The following RAPGEF5 variants were observed in gnomAD, a reference collection of about 807,000 sequenced individuals.
RAPGEF5 encodes the protein M-Ras-regulated GEF.
In RAPGEF5, 65 loss-of-function variants were observed where a neutral mutation model predicts 125.2. The observed-to-expected ratio is 0.52, with a 90% confidence interval of 0.43 to 0.64. RAPGEF5 has a LOEUF of 0.64. Among genes scored for constraint, RAPGEF5 ranks in the 30% least tolerant of loss-of-function variants. RAPGEF5 has a pLI of 0.00. For synonymous variants in RAPGEF5, 391 were observed against 385.9 expected, an observed-to-expected ratio of 1.01 and a Z score of -0.16; for missense variants, 958 against 1,048.1, an observed-to-expected ratio of 0.91 and a Z score of 1.19.
chr7:22,145,566 G>A lies in RAPGEF5; in HGVS notation c.2008-344C>T, dbSNP rs190162616. Among the ~76,000 whole-genome samples, 18 of 152,270 alleles carry A rather than the reference G, an allele frequency of 1.2e-4. No individual in the cohort carries two copies. In the East Asian group the frequency reaches 1.9e-3, roughly 16 times the overall value. On this transcript the variant is annotated intron_variant, in intron 19 of 25. Coordinates refer to ENST00000665637, the MANE Select transcript of RAPGEF5 (RefSeq NM_012294.5). ...TTGAAAAATTCAAGTGAAAATGAAC[G>A]CTAGTAGTACTAGTATTTGTTAAGG...
chr7:22,222,549 G>A (rs536525759), intron 8 of RAPGEF5, among the ~76,000 whole-genome samples: 7 of 152,302 alleles, frequency 4.6e-5, no homozygotes, highest in Non-Finnish European at 8.8e-5. Flanking sequence ...GCATGCTCAA[G>A]GATAGGCAGA....
In RAPGEF5 at chr7:22,241,153, C is replaced by T. The variant is rs143700058; in HGVS notation, c.797-10234G>A. On this transcript the variant is annotated intron_variant, in intron 7 of 25. Transcript: ENST00000665637. ...AACTCAACAGGTCAGGTCTAAAGGA[C>T]ATTCTTGTTAACTAAAGTTTATTGC... 1.0e-3 allele frequency among the ~76,000 whole-genome samples: 157 copies of T among 152,328 alleles called. 2 individuals carry two copies. In the East Asian group the frequency reaches 0.022, roughly 21 times the overall value.
At chr7:22,137,787 T>A (rs1198818246) in intron 21 of RAPGEF5, among the ~76,000 whole-genome samples, 1 of 152,200 alleles carries the variant, frequency 6.6e-6, no homozygotes, top group Non-Finnish European at 1.5e-5. Context: ...TACACGGTCC[T>A]TGGCTGGTAC....
At chr7:22,215,662 C>T (rs868132169) in intron 9 of RAPGEF5, among the ~76,000 whole-genome samples, 1 of 152,198 alleles carries the variant, frequency 6.6e-6, no homozygotes, top group Non-Finnish European at 1.5e-5. Context: ...ACTCAGATTA[C>T]AGAGATCAGG....
At chr7:22,298,399 AAACTTCTGTCCT>A (rs1285697347) in intron 5 of RAPGEF5, among the ~76,000 whole-genome samples, 2 of 152,034 alleles carry the variant, frequency 1.3e-5, no homozygotes, top group African/African-American at 4.8e-5. Context: ...GGCTGGTCTC[AAACTTCTGTCCT>A]CACGTGATCC....
At chr7:22,134,885 T>C (rs1317696559) in intron 23 of RAPGEF5, among the ~76,000 whole-genome samples, 1 of 152,232 alleles carries the variant, frequency 6.6e-6, no homozygotes, top group East Asian at 1.9e-4. Context: ...CAGAATATTT[T>C]CGGCTTGGAT....
At chr7:22,155,517 T>C (rs1282946548) in intron 16 of RAPGEF5, among the ~76,000 whole-genome samples, 1 of 152,202 alleles carries the variant, frequency 6.6e-6, no homozygotes, top group African/African-American at 2.4e-5. Flanking sequence ...TCTGGAGAAA[T>C]TTTATATGCA....
At chr7:22,312,997 T>C (rs997657105) in intron 3 of RAPGEF5, among the ~76,000 whole-genome samples, 1 of 152,202 alleles carries the variant, frequency 6.6e-6, no homozygotes, top group African/African-American at 2.4e-5. Flanking sequence ...CAGCAGTTCC[T>C]ACCCACAGTG....
chr7:22,267,507 C>G (rs1027807725), intron 6 of RAPGEF5, among the ~76,000 whole-genome samples: 1 of 152,122 alleles, frequency 6.6e-6, no homozygotes, highest in Non-Finnish European at 1.5e-5. Context: ...AGGTTTACAG[C>G]AACCATTTTG....
At chr7:22,329,833 G>A (rs750448384) in intron 1 of RAPGEF5, among the ~76,000 whole-genome samples, 2 of 152,118 alleles carry the variant, frequency 1.3e-5, no homozygotes, top group Non-Finnish European at 2.9e-5. Context: ...CCACAGGCAG[G>A]TACAAGATAT....
intron 6 of RAPGEF5, among the ~76,000 whole-genome samples, chr7:22,277,764 T>C (rs1051716480): frequency 5.9e-5 from 9 of 152,184 alleles, no homozygotes; most frequent in African/African-American, 2.2e-4. Context: ...GACCCCTTCT[T>C]AGGCTTAGAA....
chr7:22,303,921 G>A (rs1163624835), intron 5 of RAPGEF5, among the ~76,000 whole-genome samples: 2 of 152,226 alleles, frequency 1.3e-5, no homozygotes, highest in African/African-American at 4.8e-5. Context: ...GAAGAGCAGA[G>A]GAAAGAGCAA....
chr7:22,313,483 T>C (rs76375400), intron 3 of RAPGEF5, among the ~76,000 whole-genome samples: 1,789 of 152,312 alleles, frequency 0.012, 18 homozygotes, highest in Non-Finnish European at 0.019. Flanking sequence ...AGAATATTAA[T>C]GAGTCCTTAG....
chr7:22,193,804 G>A, intron 10 of RAPGEF5, 111 bp downstream of exon 10: 1 of 1,609,954 alleles, frequency 6.2e-7, no homozygotes, highest in Non-Finnish European at 8.5e-7. Flanking sequence ...AAAAGAGAGG[G>A]AGGGAGGGTA....
intron 7 of RAPGEF5, among the ~76,000 whole-genome samples, chr7:22,264,255 GGA>G (rs1782229481): frequency 6.6e-6 from 1 of 152,094 alleles, no homozygotes. Context: ...TAGAGTTACT[GGA>G]ATATACTGAA....
chr7:22,336,827 C>T (rs1014568667), intron 1 of RAPGEF5, among the ~76,000 whole-genome samples: 1 of 152,186 alleles, frequency 6.6e-6, no homozygotes, highest in African/African-American at 2.4e-5. Flanking sequence ...TTTCAAATTG[C>T]CTGTGAGCCT....
chr7:22,224,640 G>A (rs1200108911), intron 8 of RAPGEF5, among the ~76,000 whole-genome samples: 1 of 152,014 alleles, frequency 6.6e-6, no homozygotes, highest in African/African-American at 2.4e-5. Context: ...ACAGCATGTG[G>A]GGAATGGAGG....
At chr7:22,195,813 T>A (rs74408124) in intron 9 of RAPGEF5, among the ~76,000 whole-genome samples, 3,384 of 152,258 alleles carry the variant, frequency 0.022, 106 homozygotes, top group African/African-American at 0.077. Flanking sequence ...AAACAAATAA[T>A]TCTGTTCTCT....
intron 1 of RAPGEF5, among the ~76,000 whole-genome samples, chr7:22,322,917 T>C (rs892963821): frequency 2.0e-5 from 3 of 152,224 alleles, no homozygotes; most frequent in Admixed American, 2.0e-4. Context: ...GAACCTCTCC[T>C]CATCCACTTT....
Sources: allele counts gnomAD v4.1 joint callset (sites outside exome capture counted in the v4.1 genomes callset), GRCh38; gene constraint gnomAD v4.1.1; transcripts MANE v1.5; gene names NCBI Gene and HGNC (gene_info 2026-07-23, HGNC 2026-07-21).